ABTB3: variants seen among roughly 807,000 people sequenced by gnomAD.
ABTB3 encodes the protein ankyrin repeat- and BTB/POZ domain-containing protein 3.
chr12:107,525,324 C>CAAAAAAAAAAAAAAAAAA, the ABTB3 span, among the ~76,000 whole-genome samples: 71 of 34,888 alleles, frequency 2.0e-3, no homozygotes, highest in African/African-American at 2.3e-3. Context: ...AAGATCCTGT[C>CAAAAAAAAAAAAAAAAAA]AAAAAAAAAA....
At chr12:107,343,828 A>G in the ABTB3 span, among the ~76,000 whole-genome samples, 3 of 152,174 alleles carry the variant, frequency 2.0e-5, no homozygotes, top group African/African-American at 7.2e-5. Context: ...CGCAGGAAAA[A>G]GTGCCACTTT....
At chr12:107,509,206 G>A in the ABTB3 span, among the ~76,000 whole-genome samples, 7 of 152,168 alleles carry the variant, frequency 4.6e-5, no homozygotes, top group Admixed American at 6.5e-5. Context: ...ATGCAAGAAA[G>A]GCTGACCCCT....
the ABTB3 span, among the ~76,000 whole-genome samples, chr12:107,487,129 C>G: frequency 2.7e-3 from 418 of 152,244 alleles, 3 homozygotes; most frequent in African/African-American, 9.3e-3. Context: ...CTCCCCACAC[C>G]CTAGTGCCCA....
At chr12:107,608,932 T>TAAAATAAAATAAAAA in the ABTB3 span, among the ~76,000 whole-genome samples, 1 of 87,766 alleles carries the variant, frequency 1.1e-5, no homozygotes, top group Non-Finnish European at 2.1e-5. Flanking sequence ...TAAAATAAAA[T>TAAAATAAAATAAAAA]AAAATAAAAT....
chr12:107,650,628 C>A, the ABTB3 span: 1 of 152,264 alleles, frequency 6.6e-6, no homozygotes. Flanking sequence ...CTCCTGGGTT[C>A]ACACCATTCT....
the ABTB3 span, among the ~76,000 whole-genome samples, chr12:107,414,003 G>A: frequency 6.6e-6 from 1 of 152,186 alleles, no homozygotes; most frequent in African/African-American, 2.4e-5. Flanking sequence ...GGGCACACAA[G>A]AGAAAAGAAG....
the ABTB3 span, among the ~76,000 whole-genome samples, chr12:107,515,963 C>T: frequency 6.6e-6 from 1 of 151,846 alleles, no homozygotes; most frequent in Non-Finnish European, 1.5e-5. Flanking sequence ...ATGAGAGTGC[C>T]TCACATGTAG....
the ABTB3 span, among the ~76,000 whole-genome samples, chr12:107,469,483 TG>T: frequency 4.6e-5 from 7 of 152,328 alleles, no homozygotes; most frequent in African/African-American, 1.7e-4. Context: ...ACCCATCTGA[TG>T]GGGTTCCCAT....
At chr12:107,524,302 G>C in the ABTB3 span, among the ~76,000 whole-genome samples, 1 of 152,104 alleles carries the variant, frequency 6.6e-6, no homozygotes, top group Non-Finnish European at 1.5e-5. Context: ...CCTTTTTTCT[G>C]ATCTGACTGT....
the ABTB3 span, among the ~76,000 whole-genome samples, chr12:107,503,772 AAAG>A: frequency 1.2e-3 from 177 of 148,054 alleles, 2 homozygotes; most frequent in Middle Eastern, 7.0e-3. Flanking sequence ...AAAAAAAAAA[AAAG>A]AAGAAGAAGA....
chr12:107,408,210 C>T, the ABTB3 span, among the ~76,000 whole-genome samples: 1 of 152,138 alleles, frequency 6.6e-6, no homozygotes. Context: ...CTGCAATGCA[C>T]ATAAAGGAGA....
At chr12:107,497,288 CCACCACCATCACTAT>C in the ABTB3 span, among the ~76,000 whole-genome samples, 2 of 151,312 alleles carry the variant, frequency 1.3e-5, no homozygotes, top group African/African-American at 2.4e-5. Flanking sequence ...ATCCTCAACA[CCACCACCATCACTAT>C]CACCACCATC....
chr12:107,504,179 C>T, the ABTB3 span, among the ~76,000 whole-genome samples: 5 of 152,258 alleles, frequency 3.3e-5, no homozygotes, highest in African/African-American at 1.2e-4. Context: ...TAATGGGATT[C>T]TAATGTTTTT....
the ABTB3 span, among the ~76,000 whole-genome samples, chr12:107,612,615 G>A: frequency 1.3e-5 from 2 of 152,200 alleles, no homozygotes; most frequent in Admixed American, 6.5e-5. Context: ...TTCCACATGT[G>A]GAGGGTTGTG....
chr12:107,527,588 T>G, the ABTB3 span, among the ~76,000 whole-genome samples: 1 of 152,072 alleles, frequency 6.6e-6, no homozygotes, highest in African/African-American at 2.4e-5. Flanking sequence ...TTTTGTTTTT[T>G]TTTTTTAACA....
the ABTB3 span, among the ~76,000 whole-genome samples, chr12:107,486,152 C>T: frequency 1.3e-5 from 2 of 152,126 alleles, no homozygotes; most frequent in East Asian, 1.9e-4. Context: ...GCAGATCCCT[C>T]ATGAATAAAC....
the ABTB3 span, among the ~76,000 whole-genome samples, chr12:107,405,404 C>CATTAAATG: frequency 3.5e-4 from 54 of 152,348 alleles, no homozygotes; most frequent in Non-Finnish European, 2.1e-4. Flanking sequence ...AAGAGTCTGT[C>CATTAAATG]ATTAAATGGT....
chr12:107,336,651 A>G, the ABTB3 span, among the ~76,000 whole-genome samples: 1 of 152,220 alleles, frequency 6.6e-6, no homozygotes, highest in Non-Finnish European at 1.5e-5. Flanking sequence ...ATCAGATTAT[A>G]CTGAATGACC....
the ABTB3 span, among the ~76,000 whole-genome samples, chr12:107,493,475 T>A: frequency 6.6e-6 from 1 of 152,170 alleles, no homozygotes; most frequent in South Asian, 2.1e-4. Flanking sequence ...GAACCTTCTC[T>A]CAGCCTCAGA....
Sources: allele counts gnomAD v4.1 joint callset (sites outside exome capture counted in the v4.1 genomes callset), GRCh38; gene constraint gnomAD v4.1.1; transcripts MANE v1.5; gene names NCBI Gene and HGNC (gene_info 2026-07-23, HGNC 2026-07-21).